Variants in DCDC2 observed in about 807,000 individuals in gnomAD.
DCDC2 encodes doublecortin domain containing 2, also known as doublecortin domain-containing protein 2.
A neutral mutation model predicts 50.2 loss-of-function variants in DCDC2; 40 were observed. The observed-to-expected ratio is 0.80, with a 90% CI of 0.62 to 1.04. DCDC2 has a LOEUF of 1.04. DCDC2 is among the 50% of genes least tolerant of loss of function. The pLI is 0.00. For missense variants in DCDC2, 570 were observed against 581.9 expected (o/e 0.98, Z 0.21); for synonymous variants, 234 against 210.6 (o/e 1.11, Z -0.96).
At chr6:24,293,657 C>T (rs1202776669) in intron 4 of DCDC2, among the ~76,000 whole-genome samples, 2 of 152,164 alleles carry the variant, frequency 1.3e-5, no homozygotes, top group Non-Finnish European at 2.9e-5. Context: ...TATTCAGGAC[C>T]TGAACTCAAC....
At chr6:24,337,367 G>A (rs375105725) in intron 2 of DCDC2, among the ~76,000 whole-genome samples, 24 of 152,022 alleles carry the variant, frequency 1.6e-4, no homozygotes, top group African/African-American at 5.1e-4. Context: ...TTCAAGCACT[G>A]TATTGGAAAC....
intron 2 of DCDC2, among the ~76,000 whole-genome samples, chr6:24,336,793 C>T (rs963283260): frequency 2.5e-4 from 38 of 151,776 alleles, no homozygotes; most frequent in African/African-American, 8.7e-4. Flanking sequence ...ATGAGCTATT[C>T]AATTAATGTG....
At chr6:24,205,450 A>C (rs1476203922) in intron 7 of DCDC2, 4 of 1,017,324 alleles carry the variant, frequency 3.9e-6, no homozygotes, top group South Asian at 2.0e-5. Flanking sequence ...CCTATTCACA[A>C]AACAGTGAAA....
the DCDC2 span, among the ~76,000 whole-genome samples, chr6:24,380,543 G>C: frequency 6.6e-6 from 1 of 152,180 alleles, no homozygotes; most frequent in Admixed American, 6.5e-5. Flanking sequence ...TGTGGCAGGA[G>C]TTGGCACTAC....
intron 7 of DCDC2, among the ~76,000 whole-genome samples, chr6:24,248,254 T>G (rs1357821874): frequency 1.3e-5 from 2 of 152,216 alleles, no homozygotes; most frequent in Admixed American, 6.5e-5. Flanking sequence ...CCACCATTAT[T>G]ACCACAGGAC....
rs1422181048 is a variant in DCDC2 at position 24,278,025 on chromosome 6, TTAAGA to T, written c.922+19_922+23del. 6.4e-7 allele frequency: 1 copy of T among 1,572,704 alleles called. No individual in the cohort carries two copies. The highest frequency in any genetic ancestry group is 8.7e-7 in the Non-Finnish European group (1 of 1,150,050). On this transcript the variant is annotated intron_variant, in intron 7 of 9. Coordinates refer to ENST00000378454, the MANE Select transcript of DCDC2 (RefSeq NM_016356.5). ...TAAGAATTAAAATTGTATCACAGCCTTAAGATAATAATAACACACTTACCACTATT... is the reference window on the plus strand; with the variant it reads ...TAAGAATTAAAATTGTATCACAGCCTTAATAATAACACACTTACCACTATT...
At chr6:24,334,536 G>A (rs1335732882) in intron 2 of DCDC2, among the ~76,000 whole-genome samples, 7 of 152,150 alleles carry the variant, frequency 4.6e-5, no homozygotes, top group African/African-American at 1.4e-4. Flanking sequence ...CAGCAGAGTT[G>A]AGTAGTTACC....
chr6:24,173,152 CCT>C lies in DCDC2; in HGVS notation c.*1576_*1577del, dbSNP rs1760822842. ...AGATTTTACACCAGAAACATAGTAC[CCT>C]GTTTCTAATTCATGCTCCCAGATCA... On this transcript the variant is annotated 3_prime_UTR_variant, in exon 10 of 10. Coordinates refer to ENST00000378454, the MANE Select transcript of DCDC2 (RefSeq NM_016356.5). 6.6e-6 allele frequency: 1 copy of C among 151,872 alleles called. No homozygotes were observed. Among genetic ancestry groups the C allele is most frequent in the African/African-American group, 2.4e-5 (1 of 41,380 alleles). The allele number at this position is 151,872 out of a possible 1,614,324, so 9.4% of individuals were successfully genotyped here.
At chr6:24,281,619 G>A (rs73394093) in intron 6 of DCDC2, among the ~76,000 whole-genome samples, 9,613 of 150,474 alleles carry the variant, frequency 0.064, 928 homozygotes, top group African/African-American at 0.21. Context: ...TCATATATTT[G>A]TTTTACACAA....
chr6:24,287,932 T>C (rs1380780183), intron 6 of DCDC2, among the ~76,000 whole-genome samples: 1 of 152,248 alleles, frequency 6.6e-6, no homozygotes, highest in African/African-American at 2.4e-5. Flanking sequence ...ATTTTTGTCA[T>C]AATAGTATAA....
chr6:24,297,623 C>G (rs1182939415), intron 4 of DCDC2, among the ~76,000 whole-genome samples: 1 of 151,814 alleles, frequency 6.6e-6, no homozygotes, highest in Non-Finnish European at 1.5e-5. Context: ...GTGAAATTAC[C>G]TGTATATACC....
chr6:24,301,711 A>C lies in DCDC2; in HGVS notation c.557+4T>G. On this transcript the variant is annotated splice_donor_region_variant and intron_variant, in intron 4 of 9. Transcript: ENST00000378454. ...CCTCCACTTACAAGATTGTTTTGAC[A>C]TACCTGTGAACAGCCCCGCTCCTCA... The C allele has an allele frequency of 6.2e-7, 1 of 1,613,096 alleles. No individual in the cohort carries two copies. Among genetic ancestry groups the C allele is most frequent in the Admixed American group, 1.7e-5 (1 of 59,664 alleles).
intron 7 of DCDC2, among the ~76,000 whole-genome samples, chr6:24,234,973 G>C (rs1288232725): frequency 6.6e-6 from 1 of 152,158 alleles, no homozygotes; most frequent in African/African-American, 2.4e-5. Flanking sequence ...GGCCCAAAAT[G>C]ATCCTGACAA....
At chr6:24,370,023 G>T in the DCDC2 span, among the ~76,000 whole-genome samples, 21 of 152,010 alleles carry the variant, frequency 1.4e-4, no homozygotes, top group African/African-American at 5.1e-4. Context: ...CAGCCTGAGT[G>T]GCAGAGCAAG....
Position 24,353,553 on chromosome 6 carries a change from A to T in DCDC2, c.348+16T>A. 2 of 1,512,276 alleles carry T rather than the reference A, an allele frequency of 1.3e-6. No individual in the cohort carries two copies. The highest frequency in any genetic ancestry group is 1.8e-6 in the Non-Finnish European group (2 of 1,102,980). 93.7% of individuals were successfully genotyped at this position (1,512,276 alleles called of 1,614,324 possible). A position where few individuals can be genotyped will look rare whatever the true frequency, so the allele number is the denominator to read the frequency against. On this transcript the variant is annotated intron_variant, in intron 2 of 9. Coordinates refer to ENST00000378454, the MANE Select transcript of DCDC2 (RefSeq NM_016356.5). ...ACCGTTATTTATTTGAATTTTCAAA[A>T]TAATATTTGCATTACCTCTGTATTA... is the stretch of plus-strand genomic sequence containing the variant.
chr6:24,229,321 C>A (rs1406613827), intron 7 of DCDC2, among the ~76,000 whole-genome samples: 1 of 152,190 alleles, frequency 6.6e-6, no homozygotes, highest in African/African-American at 2.4e-5. Flanking sequence ...CCGGCCATGG[C>A]TCGTGGTCGA....
chr6:24,291,698 G>GA (rs1404890636), intron 4 of DCDC2, among the ~76,000 whole-genome samples: 1 of 151,682 alleles, frequency 6.6e-6, no homozygotes, highest in Non-Finnish European at 1.5e-5. Context: ...TTTTAGCCGG[G>GA]ATGGTCTCGA....
chr6:24,215,806 C>T (rs1761960636), intron 7 of DCDC2, among the ~76,000 whole-genome samples: 1 of 152,186 alleles, frequency 6.6e-6, no homozygotes, highest in South Asian at 2.1e-4. Context: ...CTCAGCACTG[C>T]TCTGCACACC....
At chr6:24,306,048 GAA>G (rs955793941) in intron 2 of DCDC2, among the ~76,000 whole-genome samples, 3 of 151,756 alleles carry the variant, frequency 2.0e-5, no homozygotes, top group Non-Finnish European at 2.9e-5. Context: ...AGAAAGGAAA[GAA>G]AAGAAATGCT....
Sources: allele counts gnomAD v4.1 joint callset (sites outside exome capture counted in the v4.1 genomes callset), GRCh38; gene constraint gnomAD v4.1.1; transcripts MANE v1.5; gene names NCBI Gene and HGNC (gene_info 2026-07-23, HGNC 2026-07-21).